The following ARHGEF6 variants were observed in gnomAD, a reference collection of about 807,000 sequenced individuals.
The protein encoded by ARHGEF6 is rho guanine nucleotide exchange factor 6.
Under a neutral mutation model 70.3 loss-of-function variants are expected in ARHGEF6, and 9 were observed. That is an observed-to-expected ratio of 0.13 (90% CI 0.08 to 0.22). The LOEUF (loss-of-function observed/expected upper bound fraction) is 0.22. Ranked by LOEUF, ARHGEF6 falls within the 10% of genes least tolerant of loss-of-function variation. ARHGEF6 has a pLI of 1.00. For missense variants in ARHGEF6, 470 were observed against 563.0 expected, an observed-to-expected ratio of 0.83 and a Z score of 1.67; for synonymous variants, 201 against 207.8, an observed-to-expected ratio of 0.97 and a Z score of 0.28.
intron 2 of ARHGEF6, among the ~76,000 whole-genome samples, chrX:136,766,249 T>C (rs1468275552): frequency 9.0e-6 from 1 of 111,463 alleles, no homozygotes; most frequent in Admixed American, 9.5e-5. Context: ...AAAATTAAGA[T>C]AGGAAGTCCA....
At chrX:136,680,687 C>T (rs746894393) in intron 15 of ARHGEF6, 44 bp downstream of exon 15, 17 of 1,200,955 alleles carry the variant, frequency 1.4e-5, no homozygotes, top group Middle Eastern at 2.3e-4. Flanking sequence ...CAGGAGTTGA[C>T]GAAAGACTCA....
At chrX:136,688,570 G>A (rs1326859244) in intron 10 of ARHGEF6, among the ~76,000 whole-genome samples, 1 of 110,167 alleles carries the variant, frequency 9.1e-6, no homozygotes, top group African/African-American at 3.3e-5. Context: ...GAGCTGAGAG[G>A]ATCAGCTGAG....
In ARHGEF6 at chrX:136,666,455, A is replaced by T. The variant is rs2076162153; in HGVS notation, c.*1574T>A. On this transcript the variant is annotated 3_prime_UTR_variant, in exon 22 of 22. Transcript: ENST00000250617. ...ACTGCAGCCTTGACCTCCTGGGCTC[A>T]AATGATCCTCCCACCTCAGCCTCCT... 8.9e-6 allele frequency: 1 copy of T among 112,428 alleles called. No homozygotes were observed. Among genetic ancestry groups the T allele is most frequent in the Non-Finnish European group, 1.9e-5 (1 of 53,285 alleles). 9.3% of individuals were successfully genotyped at this position (112,428 alleles called of 1,213,427 possible).
At chrX:136,763,827 A>C (rs760517349) in intron 2 of ARHGEF6, among the ~76,000 whole-genome samples, 1 of 111,795 alleles carries the variant, frequency 8.9e-6, no homozygotes, top group East Asian at 2.8e-4. Context: ...TCTGTCTCAA[A>C]ATAAATAAAG....
intron 9 of ARHGEF6, among the ~76,000 whole-genome samples, chrX:136,698,768 G>A (rs1268546145): frequency 1.8e-5 from 2 of 112,228 alleles, no homozygotes; most frequent in Non-Finnish European, 3.8e-5. Flanking sequence ...AGACCTTCAG[G>A]CTGAAAGCAA....
intron 5 of ARHGEF6, among the ~76,000 whole-genome samples, chrX:136,734,014 G>T (rs749920845): frequency 2.7e-5 from 3 of 112,365 alleles, no homozygotes; most frequent in Non-Finnish European, 3.8e-5. Flanking sequence ...ATTCAAACAG[G>T]CAGGGAAGGC....
intron 5 of ARHGEF6, among the ~76,000 whole-genome samples, chrX:136,741,714 T>C (rs180934189): frequency 8.1e-5 from 9 of 111,585 alleles, no homozygotes; most frequent in Admixed American, 6.6e-4. Context: ...AATTTATGTA[T>C]TGAAATCATT....
chrX:136,684,834 G>A (rs2076368117), intron 12 of ARHGEF6, among the ~76,000 whole-genome samples: 1 of 111,649 alleles, frequency 9.0e-6, no homozygotes, highest in African/African-American at 3.3e-5. Flanking sequence ...CGTCTTAGGG[G>A]ACTCCTTCTC....
intron 5 of ARHGEF6, among the ~76,000 whole-genome samples, chrX:136,736,619 G>A (rs613174): frequency 9.2e-5 from 4 of 43,251 alleles, no homozygotes; most frequent in African/African-American, 4.3e-4. Context: ...TTAAAAAGAG[G>A]TGTGTGTGTG....
At position 136,707,002 on chromosome X, in the gene ARHGEF6, C is replaced by T; in HGVS notation, c.952G>A (p.Gly318Ser). Residue 318 changes from glycine (G) to serine (S), a missense_variant, in exon 9 of 22, where the codon GGT becomes AGT. Gly to Ser is a moderately conservative substitution (Grantham distance 56, BLOSUM62 0). Around this residue, in one of 3 missense-constraint regions of ARHGEF6, gnomAD observed 379 missense variants for 449.3 expected, o/e 0.84. Coordinates refer to ENST00000250617, the MANE Select transcript of ARHGEF6 (RefSeq NM_004840.3). The part of the protein sequence containing the change: ...KFPENQHKVG[G>S]CLLSLMPHFK... ...TGAGGCATGAGACTCAGTAGACAAC[C>T]TCCTACTTTGTGCTGGTTTTCTGGA... 8.3e-7 allele frequency: 1 copy of T among 1,211,012 alleles called. No homozygotes were observed. The highest frequency in any genetic ancestry group is 1.7e-5 in the African/African-American group (1 of 57,840).
intron 6 of ARHGEF6, among the ~76,000 whole-genome samples, chrX:136,731,851 T>C (rs1359963152): frequency 9.8e-5 from 11 of 112,548 alleles, no homozygotes; most frequent in Non-Finnish European, 5.6e-5. Flanking sequence ...TTCTATTTCA[T>C]GCTGTTTAAT....
At chrX:136,779,884 T>C (rs1259053871) in intron 1 of ARHGEF6, among the ~76,000 whole-genome samples, 1 of 111,964 alleles carries the variant, frequency 8.9e-6, no homozygotes, top group African/African-American at 3.3e-5. Context: ...CTATTTCCCC[T>C]CTACATTTGA....
chrX:136,704,807 A>G (rs7052064), intron 9 of ARHGEF6, among the ~76,000 whole-genome samples: 4,449 of 111,653 alleles, frequency 0.04, 248 homozygotes, highest in African/African-American at 0.14. Context: ...GTGGGGACAT[A>G]GAACCAAACC....
chrX:136,730,328 G>A (rs967854494), intron 6 of ARHGEF6, among the ~76,000 whole-genome samples: 2 of 110,679 alleles, frequency 1.8e-5, no homozygotes, highest in Non-Finnish European at 3.8e-5. Context: ...CAGATTAGGA[G>A]GACAATCAGA....
chrX:136,715,916 T>G (rs938814040), intron 6 of ARHGEF6, among the ~76,000 whole-genome samples: 1 of 112,311 alleles, frequency 8.9e-6, no homozygotes, highest in Non-Finnish European at 1.9e-5. Flanking sequence ...TATTTTTTGT[T>G]TGTTTGTTTG....
chrX:136,744,226 T>C (rs1471193455), intron 4 of ARHGEF6, among the ~76,000 whole-genome samples: 1 of 112,075 alleles, frequency 8.9e-6, no homozygotes, highest in East Asian at 2.8e-4. Flanking sequence ...CATCTCCTAA[T>C]TACTAAGGAT....
At chrX:136,744,290 G>C (rs1205795852) in intron 4 of ARHGEF6, among the ~76,000 whole-genome samples, 4 of 112,021 alleles carry the variant, frequency 3.6e-5, no homozygotes, top group South Asian at 3.7e-4. Context: ...ACCCATAGTT[G>C]CCTAAGTCAG....
chrX:136,670,731 A>G (rs1217842338), intron 20 of ARHGEF6, among the ~76,000 whole-genome samples: 2 of 112,137 alleles, frequency 1.8e-5, no homozygotes, highest in African/African-American at 6.5e-5. Context: ...CCTAGTCTAC[A>G]GTATCTGTGC....
At chrX:136,739,650 T>G (rs2077022825) in intron 5 of ARHGEF6, among the ~76,000 whole-genome samples, 1 of 111,917 alleles carries the variant, frequency 8.9e-6, no homozygotes, top group Admixed American at 9.4e-5. Flanking sequence ...AGCAAAAAAT[T>G]TAAGCAGGGA....
Sources: gnomAD v4.1 joint callset for allele counts (sites outside exome capture counted in the v4.1 genomes callset) on GRCh38, gnomAD v4.1.1 for gene constraint, gnomAD v4.1.1 regional missense constraint, MANE v1.5 for transcripts, NCBI Gene and HGNC (gene_info 2026-07-23, HGNC 2026-07-21) for gene names.